SLC24A2: variants seen among roughly 807,000 people sequenced by gnomAD.
The protein encoded by SLC24A2 is sodium/potassium/calcium exchanger 2.
A neutral mutation model predicts 62.0 loss-of-function variants in SLC24A2; 36 were observed. The observed-to-expected ratio is 0.58, with a 90% CI of 0.44 to 0.77. The LOEUF (loss-of-function observed/expected upper bound fraction) is 0.77. Among genes scored for constraint, SLC24A2 ranks in the 30% least tolerant of loss-of-function variants. The probability of loss-of-function intolerance (pLI) is 0.00; values close to 1 mark genes in which losing one functional copy is unlikely to be tolerated. For missense variants in SLC24A2, 846 were observed against 817.9 expected, an observed-to-expected ratio of 1.03 and a Z score of -0.42; for synonymous variants, 358 against 294.0, an observed-to-expected ratio of 1.22 and a Z score of -2.23.
chr9:19,530,805 T>C (rs1205316684), intron 8 of SLC24A2, among the ~76,000 whole-genome samples: 2 of 152,200 alleles, frequency 1.3e-5, no homozygotes, highest in Admixed American at 6.5e-5. Flanking sequence ...TTTGTGAATT[T>C]TCAGTCTTCA....
At chr9:19,950,397 G>A in the SLC24A2 span, among the ~76,000 whole-genome samples, 2 of 152,052 alleles carry the variant, frequency 1.3e-5, no homozygotes, top group African/African-American at 4.8e-5. Context: ...TCTGTCCAGG[G>A]CCAGCAAGGT....
At chr9:20,284,862 T>C in the SLC24A2 span, among the ~76,000 whole-genome samples, 81 of 152,340 alleles carry the variant, frequency 5.3e-4, 1 homozygote, top group Admixed American at 5.0e-3. Flanking sequence ...GGACAGCATG[T>C]ACATGTTTAA....
chr9:20,214,994 G>A, the SLC24A2 span, among the ~76,000 whole-genome samples: 3 of 152,168 alleles, frequency 2.0e-5, no homozygotes, highest in Non-Finnish European at 4.4e-5. Context: ...GCATATATCT[G>A]TACATTCATT....
the SLC24A2 span, among the ~76,000 whole-genome samples, chr9:20,234,415 T>C: frequency 1.3e-5 from 2 of 152,230 alleles, no homozygotes; most frequent in Non-Finnish European, 2.9e-5. Context: ...TCTTGGAGGC[T>C]TTGTTTGTTT....
the SLC24A2 span, among the ~76,000 whole-genome samples, chr9:20,230,773 A>G: frequency 6.6e-6 from 1 of 152,072 alleles, no homozygotes; most frequent in Non-Finnish European, 1.5e-5. Flanking sequence ...TTTTGTTGCC[A>G]TTGCTTTTGG....
chr9:19,567,661 A>G (rs1444866697), intron 7 of SLC24A2, among the ~76,000 whole-genome samples: 1 of 150,112 alleles, frequency 6.7e-6, no homozygotes, highest in African/African-American at 2.5e-5. Context: ...AACCATACTA[A>G]GTAAATGCTA....
chr9:20,288,406 G>T, the SLC24A2 span, among the ~76,000 whole-genome samples: 1 of 152,082 alleles, frequency 6.6e-6, no homozygotes, highest in African/African-American at 2.4e-5. Context: ...GAGGATGAGT[G>T]CATGCCGGGG....
intron 2 of SLC24A2, among the ~76,000 whole-genome samples, chr9:19,637,379 C>T (rs532724727): frequency 4.6e-5 from 7 of 152,230 alleles, no homozygotes; most frequent in Non-Finnish European, 7.4e-5. Flanking sequence ...AACTGTTGCC[C>T]GACTGTGTTT....
chr9:20,290,533 G>T, the SLC24A2 span, among the ~76,000 whole-genome samples: 3 of 152,216 alleles, frequency 2.0e-5, no homozygotes, highest in Admixed American at 6.5e-5. Context: ...GCTCTGGCTG[G>T]TGCAAAATGT....
At chr9:19,584,974 G>A (rs1028704383) in intron 5 of SLC24A2, among the ~76,000 whole-genome samples, 9 of 151,932 alleles carry the variant, frequency 5.9e-5, no homozygotes, top group South Asian at 2.1e-4. Flanking sequence ...GATGATTAAC[G>A]ACATTTAATT....
At chr9:19,981,817 C>A in the SLC24A2 span, among the ~76,000 whole-genome samples, 1 of 152,078 alleles carries the variant, frequency 6.6e-6, no homozygotes, top group Non-Finnish European at 1.5e-5. Flanking sequence ...CATTTTAAGT[C>A]TCTGCTTGCA....
At chr9:20,246,319 C>T in the SLC24A2 span, among the ~76,000 whole-genome samples, 1 of 152,092 alleles carries the variant, frequency 6.6e-6, no homozygotes, top group East Asian at 1.9e-4. Flanking sequence ...CAAAAATTTC[C>T]ATCACACAGC....
At position 19,758,748 on chromosome 9, in the gene SLC24A2, G is replaced by A. The variant is rs183033806; in HGVS notation, c.930+27189C>T. Among the ~76,000 whole-genome samples the A allele has an allele frequency of 5.3e-5, 8 of 152,192 alleles. No individual in the cohort carries two copies. The East Asian group carries it at 1.5e-3, about 29-fold the overall frequency. On this transcript the variant is annotated intron_variant, in intron 2 of 10. Transcript: ENST00000341998. ...GATTGGTTTGTTTTTAATAAAGGAA[G>A]GTAATTCCTTTTAAATAATGCTATA...
chr9:20,204,742 CTTTT>C, the SLC24A2 span, among the ~76,000 whole-genome samples: 8 of 132,226 alleles, frequency 6.1e-5, no homozygotes, highest in Admixed American at 3.1e-4. Context: ...AAAAGTATAA[CTTTT>C]TTTTTTTTTT....
intron 7 of SLC24A2, among the ~76,000 whole-genome samples, chr9:19,554,601 T>C (rs544847799): frequency 2.6e-5 from 4 of 152,326 alleles, no homozygotes; most frequent in African/African-American, 9.6e-5. Flanking sequence ...TTCAGCCTTC[T>C]CGGCAAGGTG....
chr9:19,552,152 C>T (rs889413097), intron 7 of SLC24A2, among the ~76,000 whole-genome samples: 1 of 152,188 alleles, frequency 6.6e-6, no homozygotes, highest in African/African-American at 2.4e-5. Context: ...CCATTGCTTT[C>T]TTTCTTCCAT....
intron 8 of SLC24A2, among the ~76,000 whole-genome samples, chr9:19,530,627 G>A (rs539779263): frequency 2.0e-5 from 3 of 152,230 alleles, no homozygotes; most frequent in African/African-American, 7.2e-5. Flanking sequence ...CAAGGTATCA[G>A]AAAAGGAATT....
At chr9:20,019,255 GAAAGAAAGAAAGAA>G in the SLC24A2 span, among the ~76,000 whole-genome samples, 1 of 88,422 alleles carries the variant, frequency 1.1e-5, no homozygotes, top group Non-Finnish European at 2.3e-5. Context: ...GAAGGAAAGA[GAAAGAAAGAAAGAA>G]AGAAAGAAAG....
chr9:19,842,055 C>A, the SLC24A2 span, among the ~76,000 whole-genome samples: 10 of 152,292 alleles, frequency 6.6e-5, no homozygotes, highest in Non-Finnish European at 4.4e-5. Context: ...GGGAACTGAC[C>A]AGTCACCTGG....
Sources: allele counts gnomAD v4.1 joint callset (sites outside exome capture counted in the v4.1 genomes callset), GRCh38; gene constraint gnomAD v4.1.1; transcripts MANE v1.5; gene names NCBI Gene and HGNC (gene_info 2026-07-23, HGNC 2026-07-21).